Variants in SETBP1 observed in about 807,000 individuals in gnomAD.
The protein encoded by SETBP1 is SET-binding protein.
A neutral mutation model predicts 101.0 loss-of-function variants in SETBP1; 9 were observed. The ratio of observed to expected loss-of-function variants is 0.09; its 90% CI spans 0.05 to 0.16. SETBP1 has a LOEUF of 0.16. SETBP1 is among the 10% of genes least tolerant of loss of function. The pLI is 1.00. For synonymous variants in SETBP1, 818 were observed against 788.5 expected, an observed-to-expected ratio of 1.04 and a Z score of -0.63; for missense variants, 1,858 against 2,033.8, an observed-to-expected ratio of 0.91 and a Z score of 1.66.
At chr18:44,842,697 G>C (rs1180484187) in intron 2 of SETBP1, among the ~76,000 whole-genome samples, 2 of 152,240 alleles carry the variant, frequency 1.3e-5, no homozygotes, top group Admixed American at 1.3e-4. Flanking sequence ...TTAGACCCAA[G>C]GGTGGCAGAG....
chr18:44,761,720 A>G lies in SETBP1; in HGVS notation c.486+59888A>G, dbSNP rs144210336. Among the ~76,000 whole-genome samples the G allele has an allele frequency of 4.5e-3, 678 of 152,354 alleles. 2 individuals are homozygous for G. Among genetic ancestry groups the G allele is most frequent in the Non-Finnish European group, 6.0e-3 (408 of 68,040 alleles). Reference sequence around the variant, plus strand: ...TATATTTTTGTTAGAGATTTATGCCATACACATATTGCTTTTGAATGGACC... The same window carrying G: ...TATATTTTTGTTAGAGATTTATGCCGTACACATATTGCTTTTGAATGGACC... On this transcript the variant is annotated intron_variant, in intron 2 of 5. Coordinates refer to ENST00000649279, the MANE Select transcript of SETBP1 (RefSeq NM_015559.3).
intron 4 of SETBP1, among the ~76,000 whole-genome samples, chr18:44,958,244 T>C (rs1229783059): frequency 2.0e-5 from 3 of 152,206 alleles, no homozygotes; most frequent in Non-Finnish European, 4.4e-5. Flanking sequence ...GTTGACCAAA[T>C]AGTTAGTTGT....
chr18:44,783,347 G>C (rs778554170), intron 2 of SETBP1, among the ~76,000 whole-genome samples: 5 of 152,234 alleles, frequency 3.3e-5, no homozygotes, highest in Admixed American at 6.5e-5. Context: ...TTATCCAGGA[G>C]GTATTTCCAT....
chr18:45,030,139 C>A (rs1465746873), intron 4 of SETBP1, among the ~76,000 whole-genome samples: 1 of 149,066 alleles, frequency 6.7e-6, no homozygotes, highest in Non-Finnish European at 1.5e-5. Context: ...ATGATATTGG[C>A]TGTGGGTTTG....
intron 2 of SETBP1, among the ~76,000 whole-genome samples, chr18:44,833,801 A>T (rs62090602): frequency 0.063 from 9,634 of 152,306 alleles, 384 homozygotes; most frequent in East Asian, 0.13. Context: ...TTTAAGTGGA[A>T]AGGGGAAAAG....
rs34458305 is a variant in SETBP1, at chr18:44,818,970, A to ATGTGTG, written c.487-50242_487-50237dup. ...TAATTACCGGACAATATTTCACTGA[A>ATGTGTG]TGTGTGTGTGTGTGTGTGTGTGTCT... is the stretch of plus-strand genomic sequence containing the variant. On this transcript the variant is annotated intron_variant, in intron 2 of 5. Transcript: ENST00000649279. Among the ~76,000 whole-genome samples the ATGTGTG allele has an allele frequency of 6.1e-3, 899 of 148,496 alleles. 6 individuals carry two copies. The highest frequency in any genetic ancestry group is 0.021 in the African/African-American group (839 of 40,528).
At chr18:45,047,896 T>A (rs2073643925) in intron 5 of SETBP1, among the ~76,000 whole-genome samples, 4 of 152,156 alleles carry the variant, frequency 2.6e-5, no homozygotes, top group Non-Finnish European at 5.9e-5. Flanking sequence ...CTCTCTCCAT[T>A]CTCTCCCTGG....
intron 3 of SETBP1, among the ~76,000 whole-genome samples, chr18:44,930,105 G>A (rs936630246): frequency 5.3e-5 from 8 of 152,144 alleles, no homozygotes; most frequent in Non-Finnish European, 8.8e-5. Flanking sequence ...TTGGAGATAC[G>A]TCCCACCAAT....
chr18:45,028,957 A>G (rs965341253), intron 4 of SETBP1, among the ~76,000 whole-genome samples: 27 of 152,222 alleles, frequency 1.8e-4, no homozygotes, highest in Admixed American at 7.8e-4. Context: ...CCCATTTTGT[A>G]GGTTGCCTGT....
At chr18:44,819,228 A>G (rs2072051339) in intron 2 of SETBP1, among the ~76,000 whole-genome samples, 1 of 152,262 alleles carries the variant, frequency 6.6e-6, no homozygotes, top group Non-Finnish European at 1.5e-5. Flanking sequence ...GAGATGGGCA[A>G]TCCATCACCT....
At chr18:44,945,662 G>T (rs1238284866) in intron 3 of SETBP1, among the ~76,000 whole-genome samples, 1 of 152,164 alleles carries the variant, frequency 6.6e-6, no homozygotes, top group African/African-American at 2.4e-5. Context: ...GCCCAATATG[G>T]AATGTCATTG....
intron 2 of SETBP1, among the ~76,000 whole-genome samples, chr18:44,715,449 G>A (rs2069442133): frequency 6.6e-6 from 1 of 152,206 alleles, no homozygotes; most frequent in Non-Finnish European, 1.5e-5. Context: ...GTGGGATTCA[G>A]CTGAGGCCCT....
chr18:45,058,403 G>A (rs927557604), intron 5 of SETBP1, among the ~76,000 whole-genome samples: 4 of 152,130 alleles, frequency 2.6e-5, no homozygotes, highest in African/African-American at 9.7e-5. Flanking sequence ...AGAATTATTC[G>A]ATTAAGTAAA....
At chr18:44,964,585 T>C (rs2071681179) in intron 4 of SETBP1, among the ~76,000 whole-genome samples, 1 of 128,796 alleles carries the variant, frequency 7.8e-6, no homozygotes, top group Non-Finnish European at 1.7e-5. Flanking sequence ...AACGTTTTTA[T>C]TATCTTAAAA....
At chr18:44,738,460 C>T (rs938262799) in intron 2 of SETBP1, among the ~76,000 whole-genome samples, 4 of 152,224 alleles carry the variant, frequency 2.6e-5, no homozygotes, top group African/African-American at 9.6e-5. Context: ...TCACATTTTC[C>T]ATAAATTTAT....
At chr18:45,008,220 T>C (rs1046124828) in intron 4 of SETBP1, among the ~76,000 whole-genome samples, 2 of 152,200 alleles carry the variant, frequency 1.3e-5, no homozygotes, top group Admixed American at 1.3e-4. Context: ...GAGGTTTTCT[T>C]CATCAATCTC....
intron 4 of SETBP1, among the ~76,000 whole-genome samples, chr18:44,978,351 A>T (rs994787811): frequency 1.3e-5 from 2 of 152,122 alleles, no homozygotes; most frequent in African/African-American, 4.8e-5. Flanking sequence ...GGGCCCAGGG[A>T]TAAGTTGTCT....
intron 2 of SETBP1, among the ~76,000 whole-genome samples, chr18:44,741,720 G>A (rs1402931209): frequency 6.6e-6 from 1 of 152,156 alleles, no homozygotes; most frequent in African/African-American, 2.4e-5. Context: ...CTTGAAAATA[G>A]CCATGTTCAA....
chr18:44,735,840 C>T (rs1470758572), intron 2 of SETBP1, among the ~76,000 whole-genome samples: 3 of 152,180 alleles, frequency 2.0e-5, no homozygotes, highest in East Asian at 3.9e-4. Context: ...TTCAAGGAAA[C>T]TCATCAGAAA....
Sources: gnomAD v4.1 joint callset for allele counts (sites outside exome capture counted in the v4.1 genomes callset) on GRCh38, gnomAD v4.1.1 for gene constraint, MANE v1.5 for transcripts, NCBI Gene and HGNC (gene_info 2026-07-23, HGNC 2026-07-21) for gene names.